Variants in ZNF221 observed in about 807,000 individuals in gnomAD.
ZNF221 encodes zinc finger protein 221.
Under a neutral mutation model 12.6 loss-of-function variants are expected in ZNF221, and 10 were observed. The ratio of observed to expected loss-of-function variants is 0.79; its 90% CI spans 0.49 to 1.34. ZNF221 has a LOEUF of 1.34. Ranked by LOEUF, ZNF221 falls within the 40% of genes most tolerant of loss-of-function variation. The pLI, the probability that ZNF221 is intolerant of heterozygous loss-of-function variation, is 0.00. For synonymous variants in ZNF221, 232 were observed against 244.0 expected (o/e 0.95, Z 0.46); for missense variants, 661 against 721.4 (o/e 0.92, Z 0.96).
intron 1 of ZNF221, among the ~76,000 whole-genome samples, chr19:43,956,700 A>T (rs983355867): frequency 6.6e-6 from 1 of 152,206 alleles, no homozygotes; most frequent in African/African-American, 2.4e-5. Flanking sequence ...CAACAAACTT[A>T]TTTGAAACCC....
chr19:43,981,463 T>C, the ZNF221 span, among the ~76,000 whole-genome samples: 1 of 152,222 alleles, frequency 6.6e-6, no homozygotes, highest in Non-Finnish European at 1.5e-5. Flanking sequence ...ACAGGGATAA[T>C]ATACAAATGT....
chr19:43,952,667 T>A (rs116423422), intron 1 of ZNF221, among the ~76,000 whole-genome samples: 140 of 152,250 alleles, frequency 9.2e-4, no homozygotes, highest in African/African-American at 3.2e-3. Flanking sequence ...AAGCTGATAA[T>A]TTCTGGGATA....
downstream of ZNF221, among the ~76,000 whole-genome samples, chr19:43,970,755 TA>T (rs950666340): frequency 6.6e-6 from 1 of 151,718 alleles, no homozygotes; most frequent in African/African-American, 2.4e-5. Flanking sequence ...TGAAAAAAAA[TA>T]TGGAGTTATG....
downstream of ZNF221, among the ~76,000 whole-genome samples, chr19:43,971,401 A>G (rs1975093357): frequency 1.3e-5 from 2 of 152,220 alleles, no homozygotes; most frequent in Non-Finnish European, 2.9e-5. Context: ...AAATTCACAC[A>G]TAACAATACT....
chr19:43,966,785 G>A lies in ZNF221; in HGVS notation c.1283G>A (p.Gly428Glu). 1 of 1,614,166 alleles carries A rather than the reference G, an allele frequency of 6.2e-7. No individual in the cohort carries two copies. The highest frequency in any genetic ancestry group is 8.5e-7 in the Non-Finnish European group (1 of 1,180,034). The part of the protein sequence containing the change: ...GQKSFKCEEC[G>E]KGFYTNSRRS... ...AAATCCTTCAAATGTGAAGAATGTG[G>A]GAAGGGATTTTATACAAATTCACGA... Residue 428 changes from glycine to glutamate, a missense_variant, in exon 5 of 5, where the codon GGG becomes GAG. Transcript: ENST00000587682.
At chr19:43,978,921 T>TTG in the ZNF221 span, among the ~76,000 whole-genome samples, 4 of 128,972 alleles carry the variant, frequency 3.1e-5, no homozygotes, top group African/African-American at 1.2e-4. Context: ...GCCACAACAT[T>TTG]TGTGTGTGTG....
rs936395322 is a variant in ZNF221, at chr19:43,967,655, T to G, written c.*299T>G. 2.2e-4 allele frequency: 62 copies of G among 284,514 alleles called. No individual in the cohort carries two copies. Among genetic ancestry groups the G allele is most frequent in the Non-Finnish European group, 3.6e-4 (55 of 151,468 alleles). 17.6% of individuals were successfully genotyped at this position (284,514 alleles called of 1,614,324 possible). On this transcript the variant is annotated 3_prime_UTR_variant, in exon 5 of 5. Coordinates refer to ENST00000587682, the MANE Select transcript of ZNF221 (RefSeq NM_001297588.2). ...CACCACACCCAGCTAATTTTTTGTATTTTTAGTAGAGACGGGGTTTCACCG... is the reference window on the plus strand; with the variant it reads ...CACCACACCCAGCTAATTTTTTGTAGTTTTAGTAGAGACGGGGTTTCACCG...
At chr19:43,978,933 GT>G in the ZNF221 span, among the ~76,000 whole-genome samples, 13,186 of 141,270 alleles carry the variant, frequency 0.093, 573 homozygotes, top group East Asian at 0.11. Context: ...GTGTGTGTGT[GT>G]TTTTTTTTTT....
chr19:43,965,790 C>A lies in ZNF221; in HGVS notation c.302-14C>A, dbSNP rs866672928. Reference sequence around the variant, plus strand: ...CTTCACTTGCCCACATATATTAATTCTGTGTCTTTTTAGGAGGCAAGATCC... The same window carrying A: ...CTTCACTTGCCCACATATATTAATTATGTGTCTTTTTAGGAGGCAAGATCC... On this transcript the variant is annotated splice_polypyrimidine_tract_variant and intron_variant, in intron 4 of 4. Coordinates refer to ENST00000587682, the MANE Select transcript of ZNF221 (RefSeq NM_001297588.2). 2 of 1,566,488 alleles carry A rather than the reference C, an allele frequency of 1.3e-6. No homozygotes were observed. The highest frequency in any genetic ancestry group is 1.9e-5 in the Admixed American group (1 of 52,972).
Position 43,962,719 on chromosome 19 carries a change from T to G in ZNF221, c.-2-6T>G. 1.9e-6 allele frequency: 3 copies of G among 1,613,954 alleles called. No individual in the cohort carries two copies. Among genetic ancestry groups the G allele is most frequent in the Non-Finnish European group, 2.5e-6 (3 of 1,179,860 alleles). On this transcript the variant is annotated splice_region_variant and splice_polypyrimidine_tract_variant and intron_variant, in intron 1 of 4. Transcript: ENST00000587682. ...CTGTTTTTCTGCCTTTCCTGGCACT[T>G]TCCAGGCATGATTTCACCTTCACTT...
intron 1 of ZNF221, among the ~76,000 whole-genome samples, chr19:43,954,492 C>A (rs946844914): frequency 6.6e-6 from 1 of 152,120 alleles, no homozygotes; most frequent in Non-Finnish European, 1.5e-5. Flanking sequence ...GCAAATGCTT[C>A]CCCCTCAGTT....
At chr19:43,976,031 G>A in the ZNF221 span, among the ~76,000 whole-genome samples, 24 of 152,112 alleles carry the variant, frequency 1.6e-4, no homozygotes, top group African/African-American at 5.3e-4. Context: ...CAATTTTAAG[G>A]CAGGATTCAC....
the ZNF221 span, among the ~76,000 whole-genome samples, chr19:43,979,250 G>A: frequency 2.0e-5 from 3 of 151,888 alleles, no homozygotes; most frequent in Non-Finnish European, 2.9e-5. Flanking sequence ...AATGTTAAAG[G>A]CTGTATAAAT....
At chr19:43,980,045 T>C in the ZNF221 span, among the ~76,000 whole-genome samples, 1 of 152,226 alleles carries the variant, frequency 6.6e-6, no homozygotes, top group Non-Finnish European at 1.5e-5. Flanking sequence ...AACGAAGGAC[T>C]ATAGTGGTAT....
At position 43,966,843 on chromosome 19, in the gene ZNF221, A is replaced by G; in HGVS notation, c.1341A>G (p.Glu447=). 6.2e-7 allele frequency: 1 copy of G among 1,614,240 alleles called. No homozygotes were observed. The highest frequency in any genetic ancestry group is 1.1e-5 in the South Asian group (1 of 91,088). Residue 447 remains glutamate, a synonymous_variant, in exon 5 of 5, where the codon GAA becomes GAG. Transcript: ENST00000587682. ...CCCATCAGAGATCCCACAATGGAGA[A>G]AAGCCATATAACTGTGAGGAGTGTG... ...RSSHQRSHNG[E]KPYNCEECGK...
chr19:43,975,940 T>C, the ZNF221 span, among the ~76,000 whole-genome samples: 1 of 152,198 alleles, frequency 6.6e-6, no homozygotes, highest in African/African-American at 2.4e-5. Flanking sequence ...TTAACAATCA[T>C]TTGTCACTTT....
intron 2 of ZNF221, among the ~76,000 whole-genome samples, chr19:43,963,508 C>T (rs138972881): frequency 0.011 from 1,676 of 152,310 alleles, 41 homozygotes; most frequent in African/African-American, 0.039. Flanking sequence ...CCATGCCTTA[C>T]TCATACCTTG....
chr19:43,968,164 A>C (rs1395388285), downstream of ZNF221: 1 of 152,334 alleles, frequency 6.6e-6, no homozygotes, highest in African/African-American at 2.4e-5. Flanking sequence ...CAGTCTCAGG[A>C]GGGAAAATAT....
the ZNF221 span, among the ~76,000 whole-genome samples, chr19:43,975,715 A>C: frequency 1.3e-5 from 2 of 152,234 alleles, no homozygotes; most frequent in Non-Finnish European, 2.9e-5. Flanking sequence ...GAAAAAACTA[A>C]ATCATAGTAT....
Sources: allele counts gnomAD v4.1 joint callset (sites outside exome capture counted in the v4.1 genomes callset), GRCh38; gene constraint gnomAD v4.1.1; transcripts MANE v1.5; gene names NCBI Gene and HGNC (gene_info 2026-07-23, HGNC 2026-07-21).